Variants in PAK1IP1 observed in about 807,000 individuals in gnomAD.
PAK1IP1 encodes PAK1 interacting protein 1.
Under a neutral mutation model 42.0 loss-of-function variants are expected in PAK1IP1, and 24 were observed. The ratio of observed to expected loss-of-function variants is 0.57; its 90% CI spans 0.41 to 0.80. PAK1IP1 has a LOEUF of 0.80. Ranked by LOEUF, PAK1IP1 falls within the 30% of genes least tolerant of loss-of-function variation. The pLI is 0.00. For missense variants in PAK1IP1, 411 were observed against 467.9 expected (o/e 0.88, Z 1.12); for synonymous variants, 154 against 156.7 (o/e 0.98, Z 0.13).
At chr6:10,706,461 A>G (rs556238317) in intron 7 of PAK1IP1, among the ~76,000 whole-genome samples, 5 of 152,284 alleles carry the variant, frequency 3.3e-5, no homozygotes, top group South Asian at 2.1e-4. Flanking sequence ...AGCTTTAGCA[A>G]CTGTCACTGT....
Position 10,702,614 on chromosome 6 carries a change from T to A in PAK1IP1, c.418T>A (p.Ser140Thr). ...TCACCCATCTGGCAAGTTGGCCCTG[T>A]CGGTTGGTACAGATAAAACTTTAAG... ...SIHPSGKLAL[S>T]VGTDKTLRTW... The change falls in exon 4 of 10, where the codon TCG (serine) becomes ACG (threonine). Residue 140 changes from serine to threonine, a missense_variant. Physicochemically the swap from Ser to Thr is moderately conservative, Grantham distance 58. Coordinates refer to ENST00000379568, the MANE Select transcript of PAK1IP1 (RefSeq NM_017906.3). 1 of 1,613,622 alleles carries A rather than the reference T, an allele frequency of 6.2e-7. No individual in the cohort carries two copies. The highest frequency in any genetic ancestry group is 1.1e-5 in the South Asian group (1 of 91,072).
Position 10,709,219 on chromosome 6 carries a change from AC to A in PAK1IP1, c.965-18del. ...GGGAAAACAGTCTTTTTTTAAAAGC[AC>A]TCTCTTTTGTGTTTTAGTAAGTAAA... is the stretch of plus-strand genomic sequence containing the variant. On this transcript the variant is annotated intron_variant, in intron 9 of 9. Coordinates refer to ENST00000379568, the MANE Select transcript of PAK1IP1 (RefSeq NM_017906.3). The A allele has an allele frequency of 6.3e-7, 1 of 1,581,392 alleles. No individual in the cohort carries two copies. Among genetic ancestry groups the A allele is most frequent in the African/African-American group, 1.4e-5 (1 of 73,136 alleles).
At chr6:10,707,932 CTTTG>C (rs1770255216) in intron 8 of PAK1IP1, among the ~76,000 whole-genome samples, 1 of 151,722 alleles carries the variant, frequency 6.6e-6, no homozygotes, top group Admixed American at 6.6e-5. Context: ...TTGGTTTATT[CTTTG>C]TTCTCTCATA....
upstream of PAK1IP1, chr6:10,694,901 G>GTTT: frequency 1.2e-6 from 1 of 812,482 alleles, no homozygotes; most frequent in African/African-American, 1.9e-5. Flanking sequence ...AAGGAGTCAG[G>GTTT]TGTTTTTTTT....
rs1561894003 is a variant in PAK1IP1, at chr6:10,704,836, TGAAAACA to T, written c.734_740del (p.Glu245GlyfsTer2). On this transcript the variant is annotated frameshift_variant and splice_region_variant, in exon 7 of 10. Coordinates refer to ENST00000379568, the MANE Select transcript of PAK1IP1 (RefSeq NM_017906.3). LOFTEE classifies it high-confidence loss of function. ...TGTGCCTCTGCGAATTTAAAGCTCATGAAAACAGGTATTTTTACCAATCTTTGGTGTA... is the reference window on the plus strand; with the variant it reads ...TGTGCCTCTGCGAATTTAAAGCTCATGGTATTTTTACCAATCTTTGGTGTA... The T allele has an allele frequency of 6.3e-7, 1 of 1,599,516 alleles. No homozygotes were observed. Among genetic ancestry groups the T allele is most frequent in the Non-Finnish European group, 8.6e-7 (1 of 1,166,710 alleles).
chr6:10,699,733 C>T lies in PAK1IP1; in HGVS notation c.247+2247C>T, dbSNP rs575027577. Among the ~76,000 whole-genome samples, 14 of 152,328 alleles carry T rather than the reference C, an allele frequency of 9.2e-5. No homozygotes were observed. In the South Asian group the frequency reaches 2.5e-3, roughly 27 times the overall value. ...TCTTACATGTATTTCAGAGGATCCA[C>T]ACCAGGCATTGGTTTCCAGCAGTAA... is the stretch of plus-strand genomic sequence containing the variant. On this transcript the variant is annotated intron_variant, in intron 2 of 9. Transcript: ENST00000379568.
chr6:10,707,624 C>G, intron 8 of PAK1IP1, 110 bp downstream of exon 8: 1 of 666,622 alleles, frequency 1.5e-6, no homozygotes, highest in East Asian at 2.6e-5. Context: ...TTTTAAATCT[C>G]TTCCAGGCAT....
upstream of PAK1IP1, among the ~76,000 whole-genome samples, chr6:10,693,353 C>T (rs115059364): frequency 3.7e-3 from 568 of 152,346 alleles, 6 homozygotes; most frequent in African/African-American, 0.012. Flanking sequence ...CTTTTGTCTC[C>T]ATGCTGACTT....
At chr6:10,708,831 T>C (rs1170051416) in intron 8 of PAK1IP1, 122 bp from the exon 9 acceptor site, 1 of 797,868 alleles carries the variant, frequency 1.3e-6, no homozygotes, top group African/African-American at 1.7e-5. Flanking sequence ...GATTATATGT[T>C]GCTTCTGAAT....
In PAK1IP1 at chr6:10,704,538, A is replaced by G. The variant is rs1478966010; in HGVS notation, c.528A>G (p.Gly176=). Residue 176 remains glycine (G), a synonymous_variant, in exon 6 of 10, where the codon GGA becomes GGG. Transcript: ENST00000379568. Reference sequence around the variant, plus strand: ...ACATAGTAGAATGGTCCCCAAGAGGAGAGCAGTATGTAGTTATCATACAGA... The same window carrying G: ...ACATAGTAGAATGGTCCCCAAGAGGGGAGCAGTATGTAGTTATCATACAGA... ...NAHIVEWSPR[G]EQYVVIIQNK... is the part of the protein sequence containing the mutation. 1.9e-6 allele frequency: 3 copies of G among 1,598,602 alleles called. No individual in the cohort carries two copies. The highest frequency in any genetic ancestry group is 2.6e-6 in the Non-Finnish European group (3 of 1,168,558).
chr6:10,694,739 C>T, upstream of PAK1IP1: 1 of 403,736 alleles, frequency 2.5e-6, no homozygotes, highest in Admixed American at 4.3e-5. Context: ...CGATTTTTTT[C>T]TCCTTGCAGT....
At chr6:10,695,865 T>A (rs1769813519) in intron 1 of PAK1IP1, among the ~76,000 whole-genome samples, 1 of 151,008 alleles carries the variant, frequency 6.6e-6, no homozygotes, top group African/African-American at 2.5e-5. Flanking sequence ...TCACTTGGCC[T>A]ATTGCTTTCG....
intron 2 of PAK1IP1, among the ~76,000 whole-genome samples, chr6:10,700,046 C>T (rs1253623472): frequency 2.0e-5 from 3 of 150,624 alleles, no homozygotes; most frequent in East Asian, 2.0e-4. Flanking sequence ...AACAAACAAA[C>T]GAAAAAAACA....
chr6:10,696,053 C>T (rs988725815), intron 1 of PAK1IP1, among the ~76,000 whole-genome samples: 1 of 151,934 alleles, frequency 6.6e-6, no homozygotes, highest in Admixed American at 6.6e-5. Flanking sequence ...CAGTTATTCT[C>T]GTTTTGCAGA....
chr6:10,708,833 C>A, intron 8 of PAK1IP1, 120 bp from the exon 9 acceptor site: 1 of 816,814 alleles, frequency 1.2e-6, no homozygotes. Flanking sequence ...TTATATGTTG[C>A]TTCTGAATAT....
At chr6:10,692,931 C>T (rs1368234760), upstream of PAK1IP1, among the ~76,000 whole-genome samples, 1 of 152,168 alleles carries the variant, frequency 6.6e-6, no homozygotes, top group African/African-American at 2.4e-5. Flanking sequence ...TTGGCGTGGA[C>T]AAAGCTGGCA....
intron 1 of PAK1IP1, 109 bp downstream of exon 1, chr6:10,695,178 T>A (rs550189154): frequency 1.4e-6 from 1 of 691,548 alleles, no homozygotes; most frequent in South Asian, 1.6e-5. Context: ...ACTGGATGAT[T>A]TGATGAATCA....
chr6:10,691,317 C>T (rs375856520), upstream of PAK1IP1, among the ~76,000 whole-genome samples: 7 of 152,146 alleles, frequency 4.6e-5, no homozygotes, highest in South Asian at 4.1e-4. Flanking sequence ...CCAAGCTCCC[C>T]AAGTGAGTAA....
chr6:10,701,208 C>T (rs1368872785), intron 2 of PAK1IP1, among the ~76,000 whole-genome samples: 2 of 152,212 alleles, frequency 1.3e-5, no homozygotes, highest in African/African-American at 4.8e-5. Context: ...TCCTGAGTAG[C>T]TGGGACTACA....
Sources: gnomAD v4.1 joint callset for allele counts (sites outside exome capture counted in the v4.1 genomes callset) on GRCh38, gnomAD v4.1.1 for gene constraint, MANE v1.5 for transcripts, NCBI Gene and HGNC (gene_info 2026-07-23, HGNC 2026-07-21) for gene names.